UVRAG: variants seen among roughly 807,000 people sequenced by gnomAD.
The protein encoded by UVRAG is UV radiation resistance associated, also known as UV radiation resistance-associated gene protein.
In UVRAG, 19 loss-of-function variants were observed where a neutral mutation model predicts 78.0. The observed-to-expected ratio is 0.24, with a 90% CI of 0.17 to 0.36. The LOEUF (loss-of-function observed/expected upper bound fraction) is 0.36, where lower values mean the gene tolerates loss of function less well. Ranked by LOEUF, UVRAG falls within the 10% of genes least tolerant of loss-of-function variation. The pLI, the probability that UVRAG is intolerant of heterozygous loss-of-function variation, is 1.00. For missense variants in UVRAG, 740 were observed against 853.8 expected, an observed-to-expected ratio of 0.87 and a Z score of 1.66; for synonymous variants, 323 against 324.6, an observed-to-expected ratio of 1.00 and a Z score of 0.05.
At chr11:75,883,674 ATGAT>A (rs1043032592) in intron 4 of UVRAG, among the ~76,000 whole-genome samples, 1 of 152,172 alleles carries the variant, frequency 6.6e-6, no homozygotes, top group Non-Finnish European at 1.5e-5. Flanking sequence ...CGGTGTACTG[ATGAT>A]TGATGAATAC....
intron 4 of UVRAG, among the ~76,000 whole-genome samples, chr11:75,888,134 AT>A (rs71471397): frequency 6.6e-6 from 1 of 151,670 alleles, no homozygotes; most frequent in African/African-American, 2.4e-5. Flanking sequence ...CTAGGGCTTC[AT>A]TTTTTTTCTT....
chr11:75,992,582 G>T (rs1377466507), intron 8 of UVRAG, among the ~76,000 whole-genome samples: 1 of 152,310 alleles, frequency 6.6e-6, no homozygotes, highest in South Asian at 2.1e-4. Flanking sequence ...GCACTGGGGA[G>T]TGGGAAAGAG....
At chr11:75,914,893 G>A (rs1267436617) in intron 6 of UVRAG, among the ~76,000 whole-genome samples, 3 of 152,088 alleles carry the variant, frequency 2.0e-5, no homozygotes, top group Non-Finnish European at 4.4e-5. Flanking sequence ...GTGTGGGAGT[G>A]TCACAGAAAA....
rs114942168 is a variant in UVRAG at position 75,967,127 on chromosome 11, G to T, written c.699+5578G>T. On this transcript the variant is annotated intron_variant, in intron 7 of 14. Transcript: ENST00000356136. ...TCACCTCCAAAATATGCCTGCCATT[G>T]ATCAGTCTCAAGAACCCTCAAGTAG... Among the ~76,000 whole-genome samples the T allele has an allele frequency of 4.9e-3, 746 of 152,282 alleles. 6 individuals are homozygous for T. Among genetic ancestry groups the T allele is most frequent in the African/African-American group, 0.017 (702 of 41,558 alleles).
At chr11:75,943,433 T>C (rs1233078585) in intron 6 of UVRAG, among the ~76,000 whole-genome samples, 1 of 152,102 alleles carries the variant, frequency 6.6e-6, no homozygotes, top group Non-Finnish European at 1.5e-5. Flanking sequence ...TTCTGTATAC[T>C]TCCTCAAGTG....
At chr11:75,928,595 C>A (rs1412755436) in intron 6 of UVRAG, among the ~76,000 whole-genome samples, 2 of 150,424 alleles carry the variant, frequency 1.3e-5, no homozygotes, top group African/African-American at 4.9e-5. Flanking sequence ...TGAGACCCTG[C>A]CTCAGAAAAA....
At chr11:76,027,429 A>C (rs1202209650) in intron 12 of UVRAG, among the ~76,000 whole-genome samples, 1 of 152,080 alleles carries the variant, frequency 6.6e-6, no homozygotes, top group Non-Finnish European at 1.5e-5. Flanking sequence ...GTATGGTGCA[A>C]AATGCATCTC....
chr11:76,007,395 A>G (rs1949965315), intron 9 of UVRAG, 139 bp from the exon 10 acceptor site: 3 of 647,908 alleles, frequency 4.6e-6, no homozygotes, highest in Non-Finnish European at 7.8e-6. Context: ...GGTAACTATT[A>G]TTTATGCTTC....
intron 13 of UVRAG, among the ~76,000 whole-genome samples, chr11:76,072,304 A>T (rs532928722): frequency 4.6e-5 from 7 of 152,316 alleles, no homozygotes; most frequent in Non-Finnish European, 7.4e-5. Context: ...CAGTATGTCC[A>T]GTTATGGGTT....
intron 6 of UVRAG, among the ~76,000 whole-genome samples, chr11:75,955,248 CTA>C (rs1007214227): frequency 2.0e-5 from 3 of 152,114 alleles, no homozygotes; most frequent in African/African-American, 7.2e-5. Context: ...ATAATCTCCT[CTA>C]TTGGATTCCT....
Position 75,879,976 on chromosome 11 carries a change from A to G in UVRAG, c.368A>G (p.Asn123Ser). Residue 123 changes from asparagine (N) to serine (S), a missense_variant, in exon 4 of 15, where the codon AAC becomes AGC. Asn to Ser is a conservative substitution (Grantham distance 46). Transcript: ENST00000356136. ...FVVKIWGGKENIYQLLIEWKV... is the reference protein window; with the variant it reads ...FVVKIWGGKESIYQLLIEWKV... ...GTGAAGATATGGGGTGGAAAGGAGA[A>G]CATCTACCAGCTGTTGATTGAATGG... The G allele has an allele frequency of 1.8e-5, 29 of 1,614,168 alleles. No homozygotes were observed. The highest frequency in any genetic ancestry group is 2.5e-5 in the Non-Finnish European group (29 of 1,180,022).
chr11:76,121,654 C>T (rs193161038), intron 14 of UVRAG, among the ~76,000 whole-genome samples: 13 of 152,270 alleles, frequency 8.5e-5, no homozygotes, highest in African/African-American at 1.2e-4. Context: ...GGCAGTGCCT[C>T]GATTTTGTCT....
intron 12 of UVRAG, among the ~76,000 whole-genome samples, chr11:76,056,124 C>CT (rs1457097262): frequency 6.6e-6 from 1 of 152,214 alleles, no homozygotes; most frequent in East Asian, 1.9e-4. Flanking sequence ...TTCCCTCTCT[C>CT]TTTTTTCTAG....
intron 1 of UVRAG, among the ~76,000 whole-genome samples, chr11:75,846,872 A>ATCAC (rs1946045244): frequency 6.6e-6 from 1 of 151,144 alleles, no homozygotes; most frequent in African/African-American, 2.4e-5. Flanking sequence ...CGCATAGGCT[A>ATCAC]TAGTGCAGTG....
chr11:76,100,319 C>G (rs1951856492), intron 13 of UVRAG, among the ~76,000 whole-genome samples: 1 of 152,132 alleles, frequency 6.6e-6, no homozygotes, highest in South Asian at 2.1e-4. Flanking sequence ...TTCAAAATAT[C>G]TGCTAACTAA....
At chr11:75,931,228 T>C (rs1948234146) in intron 6 of UVRAG, among the ~76,000 whole-genome samples, 1 of 152,106 alleles carries the variant, frequency 6.6e-6, no homozygotes, top group African/African-American at 2.4e-5. Flanking sequence ...CAGCAGATAC[T>C]TATTGCTCTT....
chr11:76,101,312 A>C (rs1951876506), intron 13 of UVRAG, among the ~76,000 whole-genome samples: 2 of 151,836 alleles, frequency 1.3e-5, no homozygotes, highest in South Asian at 4.1e-4. Context: ...ATGGTATCTC[A>C]CTGTGGTTTT....
chr11:76,038,130 C>T (rs1023207600), intron 12 of UVRAG, among the ~76,000 whole-genome samples: 4 of 151,982 alleles, frequency 2.6e-5, no homozygotes, highest in South Asian at 2.1e-4. Context: ...AAAACAAAAC[C>T]TTAAATCACA....
chr11:75,841,812 T>C (rs1306169028), intron 1 of UVRAG, among the ~76,000 whole-genome samples: 2 of 152,246 alleles, frequency 1.3e-5, no homozygotes, highest in Non-Finnish European at 2.9e-5. Flanking sequence ...GGTTAGACTC[T>C]TTAATCAGAT....
Sources: allele counts gnomAD v4.1 joint callset (sites outside exome capture counted in the v4.1 genomes callset), GRCh38; gene constraint gnomAD v4.1.1; transcripts MANE v1.5; gene names NCBI Gene and HGNC (gene_info 2026-07-23, HGNC 2026-07-21).